SLC7A14: variants seen among roughly 807,000 people sequenced by gnomAD.
SLC7A14 encodes gamma-aminobutyric acid transporter SLC7A14.
SLC7A14 carries 37 observed loss-of-function variants against 60.2 expected under a neutral mutation model. That is an observed-to-expected ratio of 0.61 (90% CI 0.47 to 0.81). The LOEUF is 0.81. Ranked by LOEUF, SLC7A14 falls within the 30% of genes least tolerant of loss-of-function variation. SLC7A14 has a pLI of 0.00. For synonymous variants in SLC7A14, 399 were observed against 395.8 expected, an observed-to-expected ratio of 1.01 and a Z score of -0.10; for missense variants, 886 against 982.7, an observed-to-expected ratio of 0.90 and a Z score of 1.32.
intron 4 of SLC7A14, among the ~76,000 whole-genome samples, chr3:170,490,738 C>A (rs1712189159): frequency 1.3e-5 from 2 of 152,164 alleles, no homozygotes; most frequent in South Asian, 4.1e-4. Context: ...TTGATTCTGC[C>A]ACATATTAGC....
chr3:170,467,467 AAG>A, intron 7 of SLC7A14, 90 bp from the exon 8 acceptor site: 2 of 532,686 alleles, frequency 3.8e-6, no homozygotes, highest in Non-Finnish European at 2.6e-6. Flanking sequence ...GATGAAATCA[AAG>A]CTGGCGGGGT....
At chr3:170,477,484 A>G (rs1711659298) in intron 7 of SLC7A14, among the ~76,000 whole-genome samples, 1 of 152,244 alleles carries the variant, frequency 6.6e-6, no homozygotes, top group South Asian at 2.1e-4. Flanking sequence ...TCTGTAAAAT[A>G]GAGATTGCTG....
In SLC7A14 at chr3:170,471,891, T is replaced by C. The variant is rs116166568; in HGVS notation, c.1994-4514A>G. ...GCCATTGCTTTGTAGTTACATAACT[T>C]ATGTCAGTAAGAAACTAAAGGCAGG... On this transcript the variant is annotated intron_variant, in intron 7 of 7. Transcript: ENST00000231706. Among the ~76,000 whole-genome samples the C allele has an allele frequency of 6.2e-3, 938 of 152,306 alleles. 10 individuals carry two copies. The highest frequency in any genetic ancestry group is 0.022 in the African/African-American group (901 of 41,552).
chr3:170,488,757 T>C (rs1242551459), intron 4 of SLC7A14, among the ~76,000 whole-genome samples: 2 of 152,170 alleles, frequency 1.3e-5, no homozygotes, highest in African/African-American at 2.4e-5. Context: ...CAAGAAAACA[T>C]TGGGGGAAAA....
rs774674745 is a variant in SLC7A14, at chr3:170,483,388, T to C, written c.1041A>G (p.Thr347=). Residue 347 remains threonine (T), a synonymous_variant, in exon 6 of 8, where the codon ACA becomes ACG. Coordinates refer to ENST00000231706, the MANE Select transcript of SLC7A14 (RefSeq NM_020949.3). ...GGAAGAGGGACCCCAGCAAGCTGAC[T>C]GTCAGTCCTGCAACCGACCCAATGG... The part of the protein sequence containing the change: ...VVAIGSVAGL[T]VSLLGSLFPM... The C allele has an allele frequency of 1.1e-5, 18 of 1,614,100 alleles. No individual in the cohort carries two copies. The highest frequency in any genetic ancestry group is 1.7e-5 in the Admixed American group (1 of 60,008).
intron 7 of SLC7A14, among the ~76,000 whole-genome samples, chr3:170,470,018 G>A (rs1415634163): frequency 1.2e-4 from 18 of 152,012 alleles, no homozygotes; most frequent in Admixed American, 8.5e-4. Flanking sequence ...TAAAAACCTT[G>A]AGTCATAGAT....
intron 4 of SLC7A14, chr3:170,496,296 C>A: frequency 1.0e-6 from 1 of 991,352 alleles, no homozygotes; most frequent in Non-Finnish European, 1.6e-6. Context: ...GTATGCAGAG[C>A]TGCAGACGCT....
intron 1 of SLC7A14, among the ~76,000 whole-genome samples, chr3:170,542,194 C>T (rs150810815): frequency 6.6e-5 from 10 of 152,140 alleles, no homozygotes; most frequent in African/African-American, 1.2e-4. Flanking sequence ...ACACAAAGCT[C>T]GAGCCAACAT....
chr3:170,543,127 G>A (rs1195310490), intron 1 of SLC7A14, among the ~76,000 whole-genome samples: 2 of 152,144 alleles, frequency 1.3e-5, no homozygotes, highest in Non-Finnish European at 2.9e-5. Flanking sequence ...TTTGAGTCAC[G>A]TGTGGGGTTG....
chr3:170,495,528 G>A (rs1349050527), intron 4 of SLC7A14: 11 of 739,794 alleles, frequency 1.5e-5, no homozygotes, highest in Non-Finnish European at 2.1e-5. Flanking sequence ...GAATGGGCCT[G>A]GTGCCCACAT....
At position 170,464,325 on chromosome 3, in the gene SLC7A14, A is replaced by G. The variant is rs1739670001; in HGVS notation, c.*2730T>C. 1 of 152,082 alleles carries G rather than the reference A, an allele frequency of 6.6e-6. No individual in the cohort carries two copies. The highest frequency in any genetic ancestry group is 2.4e-5 in the African/African-American group (1 of 41,404). The allele number at this position is 152,082 out of a possible 1,614,324, so 9.4% of individuals were successfully genotyped here. A position where few individuals can be genotyped will look rare whatever the true frequency, so the allele number is the denominator to read the frequency against. On this transcript the variant is annotated 3_prime_UTR_variant, in exon 8 of 8. Transcript: ENST00000231706. Reference sequence around the variant, plus strand: ...TCAATAAAATGTAGGTCTTCCTTGGACTCCCTTCAAGGGGCAAAGTTTCTA... The same window carrying G: ...TCAATAAAATGTAGGTCTTCCTTGGGCTCCCTTCAAGGGGCAAAGTTTCTA...
chr3:170,533,428 G>A (rs1713738921), intron 1 of SLC7A14, among the ~76,000 whole-genome samples: 1 of 152,170 alleles, frequency 6.6e-6, no homozygotes, highest in South Asian at 2.1e-4. Flanking sequence ...TATGGGATAA[G>A]TCTTCAAGTT....
intron 2 of SLC7A14, among the ~76,000 whole-genome samples, chr3:170,507,274 T>C (rs977010069): frequency 6.6e-6 from 1 of 152,242 alleles, no homozygotes; most frequent in African/African-American, 2.4e-5. Flanking sequence ...GTGCAATGAA[T>C]GACAGAGACA....
intron 4 of SLC7A14, among the ~76,000 whole-genome samples, chr3:170,491,425 G>A (rs568371519): frequency 5.3e-5 from 8 of 152,088 alleles, no homozygotes; most frequent in Non-Finnish European, 1.0e-4. Context: ...GGCAGGACAT[G>A]TGGAGGTTCT....
chr3:170,499,748 C>A (rs567663194), intron 3 of SLC7A14, among the ~76,000 whole-genome samples: 1 of 152,284 alleles, frequency 6.6e-6, no homozygotes, highest in Admixed American at 6.5e-5. Context: ...GGCCAGTGGA[C>A]TCCTGCCCTC....
chr3:170,518,343 T>C (rs1395853074), intron 2 of SLC7A14, among the ~76,000 whole-genome samples: 2 of 152,188 alleles, frequency 1.3e-5, no homozygotes, highest in Admixed American at 1.3e-4. Flanking sequence ...TTTAATGACA[T>C]TGTTTCAATA....
rs916054825 is a variant in SLC7A14 at position 170,567,513 on chromosome 3, G to C, written c.-153+18398C>G. Among the ~76,000 whole-genome samples the C allele has an allele frequency of 2.6e-5, 4 of 151,824 alleles. No homozygotes were observed. The South Asian group carries it at 8.4e-4, about 32-fold the overall frequency. Reference sequence around the variant, plus strand: ...TAGCAGCATGATTTATAGGCCTTTGGGTATATACCCAGTAATGGGATGGCT... The same window carrying C: ...TAGCAGCATGATTTATAGGCCTTTGCGTATATACCCAGTAATGGGATGGCT... On this transcript the variant is annotated intron_variant, in intron 1 of 7. Coordinates refer to ENST00000231706, the MANE Select transcript of SLC7A14 (RefSeq NM_020949.3).
intron 1 of SLC7A14, among the ~76,000 whole-genome samples, chr3:170,572,141 T>C (rs1714976214): frequency 6.6e-6 from 1 of 151,884 alleles, no homozygotes; most frequent in Non-Finnish European, 1.5e-5. Flanking sequence ...TGTGAACTCC[T>C]GGGCCTAATT....
At chr3:170,509,135 G>A (rs1712882474) in intron 2 of SLC7A14, among the ~76,000 whole-genome samples, 1 of 152,058 alleles carries the variant, frequency 6.6e-6, no homozygotes, top group Admixed American at 6.6e-5. Context: ...GAGCAACCTC[G>A]GTCACTCCAT....
Sources: allele counts gnomAD v4.1 joint callset (sites outside exome capture counted in the v4.1 genomes callset), GRCh38; gene constraint gnomAD v4.1.1; transcripts MANE v1.5; gene names NCBI Gene and HGNC (gene_info 2026-07-23, HGNC 2026-07-21).